Variants in ZCCHC7 observed in about 807,000 individuals in gnomAD.
ZCCHC7 encodes the protein zinc finger CCHC-type containing 7, also known as zinc finger CCHC domain-containing protein 7.
Under a neutral mutation model 52.0 loss-of-function variants are expected in ZCCHC7, and 35 were observed. That is an observed-to-expected ratio of 0.67 (90% confidence interval 0.51 to 0.89). The LOEUF (loss-of-function observed/expected upper bound fraction) is 0.89, where lower values mean the gene tolerates loss of function less well. Ranked by LOEUF, ZCCHC7 falls within the 40% of genes least tolerant of loss-of-function variation. The probability of loss-of-function intolerance (pLI) is 0.00; values close to 1 mark genes in which losing one functional copy is unlikely to be tolerated. For missense variants in ZCCHC7, 574 were observed against 649.1 expected, an observed-to-expected ratio of 0.88 and a Z score of 1.26; for synonymous variants, 217 against 221.5, an observed-to-expected ratio of 0.98 and a Z score of 0.18.
chr9:37,139,010 C>A (rs1476465115), intron 2 of ZCCHC7, among the ~76,000 whole-genome samples: 1 of 151,558 alleles, frequency 6.6e-6, no homozygotes. Context: ...TCATTATTTC[C>A]CCTTCTTAGA....
chr9:37,140,621 A>C (rs745951037), intron 2 of ZCCHC7, among the ~76,000 whole-genome samples: 16 of 151,928 alleles, frequency 1.1e-4, no homozygotes, highest in Non-Finnish European at 2.2e-4. Context: ...TTTCTGTTTG[A>C]GATGATTCAG....
chr9:37,275,929 G>A (rs962176984), intron 2 of ZCCHC7, among the ~76,000 whole-genome samples: 2 of 152,328 alleles, frequency 1.3e-5, no homozygotes, highest in Admixed American at 6.5e-5. Context: ...GGGATTACAG[G>A]CGTGAGCCAC....
intron 2 of ZCCHC7, among the ~76,000 whole-genome samples, chr9:37,217,601 C>T (rs896847545): frequency 6.6e-6 from 1 of 152,036 alleles, no homozygotes; most frequent in Non-Finnish European, 1.5e-5. Flanking sequence ...AAAAAAAATC[C>T]GTGTGATTAT....
intron 2 of ZCCHC7, among the ~76,000 whole-genome samples, chr9:37,134,256 T>A (rs538046482): frequency 2.0e-5 from 3 of 152,184 alleles, no homozygotes; most frequent in Admixed American, 2.0e-4. Flanking sequence ...TTCCTTTTTT[T>A]AATTTCTTGT....
intron 2 of ZCCHC7, among the ~76,000 whole-genome samples, chr9:37,299,840 G>C (rs187612340): frequency 6.6e-6 from 1 of 152,278 alleles, no homozygotes; most frequent in Admixed American, 6.5e-5. Flanking sequence ...ATAACTTTTT[G>C]AGGAGTTGTT....
intron 2 of ZCCHC7, among the ~76,000 whole-genome samples, chr9:37,245,610 G>T (rs1315728677): frequency 6.6e-6 from 1 of 151,964 alleles, no homozygotes; most frequent in African/African-American, 2.4e-5. Context: ...AATACAAAGT[G>T]TAAGTACCTT....
At chr9:37,133,323 GAA>G (rs1427633118) in intron 2 of ZCCHC7, among the ~76,000 whole-genome samples, 1 of 150,362 alleles carries the variant, frequency 6.7e-6, no homozygotes, top group Non-Finnish European at 1.5e-5. Context: ...ATAATGAGAA[GAA>G]AAATATACAC....
At chr9:37,285,644 A>G (rs1828171862) in intron 2 of ZCCHC7, among the ~76,000 whole-genome samples, 1 of 152,230 alleles carries the variant, frequency 6.6e-6, no homozygotes, top group African/African-American at 2.4e-5. Flanking sequence ...GCTATAAATC[A>G]ATCAATACTT....
chr9:37,284,816 T>G (rs1031263873), intron 2 of ZCCHC7, among the ~76,000 whole-genome samples: 2 of 152,206 alleles, frequency 1.3e-5, no homozygotes, highest in Non-Finnish European at 2.9e-5. Context: ...GCCTCAATAG[T>G]GCATACTGCA....
At chr9:37,257,009 A>T (rs1246475567) in intron 2 of ZCCHC7, among the ~76,000 whole-genome samples, 1 of 152,158 alleles carries the variant, frequency 6.6e-6, no homozygotes, top group Non-Finnish European at 1.5e-5. Context: ...TGACATGTAT[A>T]TTTTATATAT....
intron 2 of ZCCHC7, among the ~76,000 whole-genome samples, chr9:37,180,066 A>G (rs540985550): frequency 6.6e-6 from 1 of 152,280 alleles, no homozygotes; most frequent in South Asian, 2.1e-4. Flanking sequence ...TTTCCCCTGC[A>G]CTTAGCATAG....
intron 2 of ZCCHC7, among the ~76,000 whole-genome samples, chr9:37,231,511 A>G (rs1176403705): frequency 6.6e-6 from 1 of 152,118 alleles, no homozygotes; most frequent in Non-Finnish European, 1.5e-5. Context: ...GTTGTTTTGT[A>G]TATTTTTTTA....
intron 8 of ZCCHC7, among the ~76,000 whole-genome samples, chr9:37,355,744 G>T (rs1191679399): frequency 6.6e-6 from 1 of 152,130 alleles, no homozygotes; most frequent in Non-Finnish European, 1.5e-5. Context: ...CTAATCTGTG[G>T]AATGGTGTAT....
chr9:37,120,817 G>A, intron 1 of ZCCHC7, 194 bp downstream of exon 1: 1 of 279,664 alleles, frequency 3.6e-6, no homozygotes, highest in Non-Finnish European at 6.6e-6. Flanking sequence ...CGGGCTGCGG[G>A]TCTAGGGGGT....
rs535658685 is a variant in ZCCHC7 at position 37,274,383 on chromosome 9, A to G, written c.611-27805A>G. On this transcript the variant is annotated intron_variant, in intron 2 of 8. Transcript: ENST00000336755. ...GAGATGGAGTCTTGCTCTGTTGCTC[A>G]GGCAGGAGCACAGTGGTGTGATCTT... 6.0e-5 allele frequency among the ~76,000 whole-genome samples: 7 copies of G among 116,788 alleles called. No individual in the cohort carries two copies. The East Asian group carries it at 1.7e-3, about 28-fold the overall frequency. The allele number at this position is 116,788 out of a possible 152,430, so 76.6% of individuals were successfully genotyped here.
chr9:37,280,838 G>A (rs1827924290), intron 2 of ZCCHC7, among the ~76,000 whole-genome samples: 1 of 151,988 alleles, frequency 6.6e-6, no homozygotes. Context: ...GCACAATCAT[G>A]TCTCACTGTA....
intron 2 of ZCCHC7, among the ~76,000 whole-genome samples, chr9:37,200,169 CCTCT>C (rs1434666778): frequency 6.6e-6 from 1 of 151,876 alleles, no homozygotes; most frequent in Admixed American, 6.6e-5. Context: ...TTTCTAATTT[CCTCT>C]CTCTTTGTTA....
chr9:37,275,203 CCTT>C (rs1180210811), intron 2 of ZCCHC7, among the ~76,000 whole-genome samples: 6 of 152,166 alleles, frequency 3.9e-5, no homozygotes, highest in Non-Finnish European at 7.3e-5. Flanking sequence ...CTTGCAGTAA[CCTT>C]CTCCTTCTCC....
At chr9:37,322,935 T>C (rs995032153) in intron 5 of ZCCHC7, among the ~76,000 whole-genome samples, 8 of 152,148 alleles carry the variant, frequency 5.3e-5, no homozygotes, top group Non-Finnish European at 1.2e-4. Context: ...GAGTGCCAAA[T>C]TGATGTTGTC....
Sources: allele counts gnomAD v4.1 joint callset (sites outside exome capture counted in the v4.1 genomes callset), GRCh38; gene constraint gnomAD v4.1.1; transcripts MANE v1.5; gene names NCBI Gene and HGNC (gene_info 2026-07-23, HGNC 2026-07-21).